PCNT: variants seen among roughly 807,000 people sequenced by gnomAD.
PCNT encodes the protein kendrin.
A neutral mutation model predicts 380.4 loss-of-function variants in PCNT; 319 were observed. The ratio of observed to expected loss-of-function variants is 0.84; its 90% CI spans 0.77 to 0.92. The LOEUF (loss-of-function observed/expected upper bound fraction) is 0.92, where lower values mean the gene tolerates loss of function less well. PCNT is among the 40% of genes least tolerant of loss of function. The pLI, the probability that PCNT is intolerant of heterozygous loss-of-function variation, is 0.00. For missense variants in PCNT, 4,400 were observed against 4,255.3 expected, an observed-to-expected ratio of 1.03 and a Z score of -0.95; for synonymous variants, 1,845 against 1,735.2, an observed-to-expected ratio of 1.06 and a Z score of -1.57.
chr21:46,381,174 CAAAAA>C (rs34108721), intron 15 of PCNT, among the ~76,000 whole-genome samples: 5 of 95,998 alleles, frequency 5.2e-5, no homozygotes, highest in Non-Finnish European at 1.1e-4. Flanking sequence ...AGAGTCCTTC[CAAAAA>C]AAAAAAAAAA....
At chr21:46,350,310 T>A (rs1306737320) in intron 8 of PCNT, among the ~76,000 whole-genome samples, 1 of 152,224 alleles carries the variant, frequency 6.6e-6, no homozygotes, top group African/African-American at 2.4e-5. Flanking sequence ...TGCATGTTCT[T>A]TGCAGGCGTC....
At chr21:46,360,060 T>C (rs1406984755) in intron 13 of PCNT, among the ~76,000 whole-genome samples, 3 of 151,904 alleles carry the variant, frequency 2.0e-5, no homozygotes, top group Admixed American at 2.0e-4. Context: ...TTTCGCCATG[T>C]TGTCCAGGCT....
At chr21:46,369,233 T>C (rs1488309723) in intron 15 of PCNT, among the ~76,000 whole-genome samples, 1 of 152,194 alleles carries the variant, frequency 6.6e-6, no homozygotes, top group Admixed American at 6.5e-5. Context: ...GGATGTGTTT[T>C]GTTTGTTTCT....
Position 46,440,770 on chromosome 21 carries a change from G to C in PCNT, c.9394-85G>C. 3.5e-6 allele frequency: 3 copies of C among 856,678 alleles called. No individual in the cohort carries two copies. In the South Asian group the frequency reaches 4.1e-5, roughly 12 times the overall value. The allele number at this position is 856,678 out of a possible 1,614,324, so 53.1% of individuals were successfully genotyped here. ...TGGGAAAAAACAATCTGACTCTTTG[G>C]AAAGAGCAATGGTGTTAATGTGCTT... On this transcript the variant is annotated intron_variant, in intron 42 of 46. Coordinates refer to ENST00000359568, the MANE Select transcript of PCNT (RefSeq NM_006031.6).
intron 28 of PCNT, 59 bp downstream of exon 28, chr21:46,412,126 G>GTCAA: frequency 6.4e-7 from 1 of 1,562,608 alleles, no homozygotes; most frequent in African/African-American, 1.3e-5. Flanking sequence ...TTTCTCCTTT[G>GTCAA]ATGTCAATGA....
intron 15 of PCNT, among the ~76,000 whole-genome samples, chr21:46,381,175 A>C (rs1396390986): frequency 1.3e-4 from 2 of 15,810 alleles, no homozygotes; most frequent in Non-Finnish European, 2.3e-4. Context: ...GAGTCCTTCC[A>C]AAAAAAAAAA....
At chr21:46,351,407 C>T (rs2084265494) in intron 8 of PCNT, 22 bp from the exon 9 acceptor site, 1 of 1,377,276 alleles carries the variant, frequency 7.3e-7, no homozygotes, top group Non-Finnish European at 1.0e-6. Context: ...AGGGTTTCAC[C>T]TGGACACTTT....
chr21:46,436,226 G>C, intron 39 of PCNT, 78 bp downstream of exon 39: 1 of 1,544,982 alleles, frequency 6.5e-7, no homozygotes, highest in Non-Finnish European at 8.8e-7. Flanking sequence ...GAGGGCTGGG[G>C]CGCGTCTGGT....
chr21:46,381,935 A>G, intron 16 of PCNT, 95 bp downstream of exon 16: 4 of 1,328,640 alleles, frequency 3.0e-6, no homozygotes, highest in Non-Finnish European at 4.3e-6. Flanking sequence ...GCAGGAGTGC[A>G]CTCATGGTGT....
At chr21:46,341,898 C>T (rs1471238610) in intron 3 of PCNT, among the ~76,000 whole-genome samples, 1 of 151,374 alleles carries the variant, frequency 6.6e-6, no homozygotes, top group Non-Finnish European at 1.5e-5. Context: ...AGGCTGGTCT[C>T]AAACTTCTGG....
At chr21:46,334,811 G>C (rs201814457) in intron 3 of PCNT, 43 bp downstream of exon 3, 1 of 1,614,060 alleles carries the variant, frequency 6.2e-7, no homozygotes, top group Admixed American at 1.7e-5. Context: ...TTTGTCAAAA[G>C]ATTTCTTTAT....
At chr21:46,346,231 G>A (rs2084061482) in intron 4 of PCNT, 23 bp downstream of exon 4, 1 of 1,592,018 alleles carries the variant, frequency 6.3e-7, no homozygotes. Context: ...GGCCTGCACA[G>A]GCTCACAGCA....
rs151138182 is a variant in PCNT, at chr21:46,411,636, C to A, written c.5563C>A (p.Arg1855=). 61 of 1,612,994 alleles carry A rather than the reference C, an allele frequency of 3.8e-5. No individual in the cohort carries two copies. The highest frequency in any genetic ancestry group is 3.0e-4 in the Admixed American group (18 of 60,028). The change falls in exon 28 of 47, where the codon CGG becomes AGG. Residue 1855 remains arginine (R), a synonymous_variant. Transcript: ENST00000359568. ...GGCTGAGGTCGAAGACATGGCCTCC[C>A]GGATCCAGGAGTTCGAAGCGGCCCT... is the stretch of plus-strand genomic sequence containing the variant. The part of the protein sequence containing the change: ...REAEVEDMAS[R]IQEFEAALKA...
At position 46,324,192 on chromosome 21, in the gene PCNT, C is replaced by A; in HGVS notation, c.-37C>A. 1 of 1,586,628 alleles carries A rather than the reference C, an allele frequency of 6.3e-7. No individual in the cohort carries two copies. The highest frequency in any genetic ancestry group is 1.3e-5 in the African/African-American group (1 of 74,654). ...AGCGAAGGCTGCTCTGTGTCAGCCC[C>A]GTCACCGCCGGGCGGCCCGCGCGGA... On this transcript the variant is annotated 5_prime_UTR_variant, in exon 1 of 47. Coordinates refer to ENST00000359568, the MANE Select transcript of PCNT (RefSeq NM_006031.6).
At chr21:46,391,103 C>A in intron 20 of PCNT, 61 bp from the exon 21 acceptor site, 1 of 1,464,530 alleles carries the variant, frequency 6.8e-7, no homozygotes, top group Non-Finnish European at 9.4e-7. Context: ...TTCCTCCAAG[C>A]AGGCTCTCCT....
intron 15 of PCNT, among the ~76,000 whole-genome samples, chr21:46,378,735 C>T (rs540414160): frequency 3.9e-4 from 59 of 152,330 alleles, no homozygotes; most frequent in African/African-American, 1.3e-3. Flanking sequence ...TTGCCCTGAG[C>T]GTTACAGCAA....
chr21:46,374,106 A>C (rs1353706751), intron 15 of PCNT, among the ~76,000 whole-genome samples: 2 of 151,910 alleles, frequency 1.3e-5, no homozygotes, highest in Non-Finnish European at 2.9e-5. Context: ...GGGAGGTGGG[A>C]TGTACTCTTT....
intron 3 of PCNT, among the ~76,000 whole-genome samples, chr21:46,340,233 C>T (rs144973429): frequency 2.8e-4 from 42 of 152,270 alleles, no homozygotes; most frequent in African/African-American, 9.4e-4. Flanking sequence ...GAGACAAGCA[C>T]GGGAAAGACC....
Position 46,391,240 on chromosome 21 carries a change from T to C in PCNT, c.4080T>C (p.Arg1360=), listed in dbSNP as rs2086020235. The C allele has an allele frequency of 2.5e-6, 4 of 1,607,048 alleles. No homozygotes were observed. The highest frequency in any genetic ancestry group is 1.7e-5 in the Admixed American group (1 of 58,962). The part of the protein sequence containing the change: ...VLAGKEDSEH[R]LVLELESLRR... Reference sequence around the variant, plus strand: ...CCGGGAAGGAGGATTCCGAGCACCGTCTGGTGCTGGAGCTGGAGAGCCTGA... The same window carrying C: ...CCGGGAAGGAGGATTCCGAGCACCGCCTGGTGCTGGAGCTGGAGAGCCTGA... The change falls in exon 21 of 47, where the codon CGT becomes CGC. Residue 1360 remains arginine (R), a synonymous_variant. Transcript: ENST00000359568.
Sources: allele counts gnomAD v4.1 joint callset (sites outside exome capture counted in the v4.1 genomes callset), GRCh38; gene constraint gnomAD v4.1.1; transcripts MANE v1.5; gene names NCBI Gene and HGNC (gene_info 2026-07-23, HGNC 2026-07-21).